ROCK1: variants seen among roughly 807,000 people sequenced by gnomAD.
The protein encoded by ROCK1 is Rho associated coiled-coil containing protein kinase 1, also known as rho-associated protein kinase 1.
In ROCK1, 36 loss-of-function variants were observed where a neutral mutation model predicts 196.8. That is an observed-to-expected ratio of 0.18 (90% CI 0.14 to 0.24). ROCK1 has a LOEUF of 0.24. Ranked by LOEUF, ROCK1 falls within the 10% of genes least tolerant of loss-of-function variation. The pLI, the probability that ROCK1 is intolerant of heterozygous loss-of-function variation, is 1.00. For missense variants in ROCK1, 920 were observed against 1,562.0 expected (o/e 0.59, Z 6.93); for synonymous variants, 443 against 515.9 (o/e 0.86, Z 1.91).
chr18:21,046,694 TA>T (rs1439796385), intron 4 of ROCK1, among the ~76,000 whole-genome samples: 9 of 152,166 alleles, frequency 5.9e-5, no homozygotes, highest in Non-Finnish European at 1.2e-4. Flanking sequence ...AATAACATTT[TA>T]AGTAAATACA....
intron 1 of ROCK1, among the ~76,000 whole-genome samples, chr18:21,073,719 A>T (rs1272660726): frequency 6.6e-6 from 1 of 152,184 alleles, no homozygotes; most frequent in East Asian, 1.9e-4. Flanking sequence ...CTATGGCAGC[A>T]AAACTGGGGC....
chr18:21,009,050 C>T (rs1413460835), intron 13 of ROCK1, among the ~76,000 whole-genome samples: 3 of 152,098 alleles, frequency 2.0e-5, no homozygotes, highest in African/African-American at 2.4e-5. Flanking sequence ...CACACCCATC[C>T]CCGTCCTCCC....
chr18:21,078,983 A>G (rs778171010), intron 1 of ROCK1, among the ~76,000 whole-genome samples: 9 of 152,090 alleles, frequency 5.9e-5, no homozygotes, highest in Non-Finnish European at 1.3e-4. Flanking sequence ...CTGTCCCTCA[A>G]CTAAATTGGG....
chr18:21,106,225 T>C (rs1009080093), intron 1 of ROCK1, among the ~76,000 whole-genome samples: 8 of 152,210 alleles, frequency 5.3e-5, no homozygotes, highest in African/African-American at 1.9e-4. Context: ...TGCCAATAAA[T>C]ATGCTACAAG....
rs958962866 is a variant in ROCK1, at chr18:20,952,845, C to A, written c.4061+733G>T. On this transcript the variant is annotated intron_variant, in intron 32 of 32. Transcript: ENST00000399799. Reference sequence around the variant, plus strand: ...GAAGGGACATGGATGAAGCTGGAAACCATCATTCTCAGCAAACTAACACAG... The same window carrying A: ...GAAGGGACATGGATGAAGCTGGAAAACATCATTCTCAGCAAACTAACACAG... 1.8e-4 allele frequency among the ~76,000 whole-genome samples: 27 copies of A among 151,720 alleles called. No homozygotes were observed. In the East Asian group the frequency reaches 2.1e-3, roughly 12 times the overall value.
intron 31 of ROCK1, 87 bp downstream of exon 31, chr18:20,954,696 G>C: frequency 1.5e-6 from 2 of 1,291,604 alleles, no homozygotes; most frequent in Non-Finnish European, 2.1e-6. Flanking sequence ...TTTTCAACTT[G>C]GTATAGAAAT....
rs542958895 is a variant in ROCK1 at position 21,060,683 on chromosome 18, T to G, written c.175+9849A>C. On this transcript the variant is annotated intron_variant, in intron 2 of 32. Transcript: ENST00000399799. ...GGAGAAACCCTGTCTCTACTAAAAATACAAAATTAGCCGGGCATTGTGGCG... is the reference window on the plus strand; with the variant it reads ...GGAGAAACCCTGTCTCTACTAAAAAGACAAAATTAGCCGGGCATTGTGGCG... 3.3e-5 allele frequency among the ~76,000 whole-genome samples: 5 copies of G among 152,004 alleles called. No homozygotes were observed. The South Asian group carries it at 1.0e-3, about 32-fold the overall frequency.
At chr18:21,032,282 T>C (rs1428824402) in intron 9 of ROCK1, among the ~76,000 whole-genome samples, 1 of 152,140 alleles carries the variant, frequency 6.6e-6, no homozygotes, top group Non-Finnish European at 1.5e-5. Flanking sequence ...TTTAAGCTAC[T>C]CAAAGTAAAC....
intron 1 of ROCK1, among the ~76,000 whole-genome samples, chr18:21,087,035 G>A (rs1282709515): frequency 1.3e-5 from 2 of 152,164 alleles, no homozygotes. Context: ...AATATATTAC[G>A]AACAAGGGTA....
At chr18:21,082,072 C>T (rs910000723) in intron 1 of ROCK1, among the ~76,000 whole-genome samples, 3 of 152,124 alleles carry the variant, frequency 2.0e-5, no homozygotes, top group Non-Finnish European at 2.9e-5. Context: ...CCAGCCTCAG[C>T]CTCCTGAGTA....
At chr18:21,043,574 A>G (rs1598540962) in intron 6 of ROCK1, among the ~76,000 whole-genome samples, 1 of 118,500 alleles carries the variant, frequency 8.4e-6, no homozygotes, top group Admixed American at 7.5e-5. Context: ...CATATACATA[A>G]TGTATATGTA....
chr18:21,052,483 G>A (rs2036211759), intron 2 of ROCK1, among the ~76,000 whole-genome samples: 1 of 152,120 alleles, frequency 6.6e-6, no homozygotes, highest in Non-Finnish European at 1.5e-5. Context: ...TAGGCTTATG[G>A]CTCCATTGAG....
chr18:21,039,456 A>G lies in ROCK1; in HGVS notation c.1051+16T>C. On this transcript the variant is annotated intron_variant, in intron 9 of 32. Coordinates refer to ENST00000399799, the MANE Select transcript of ROCK1 (RefSeq NM_005406.3). The stretch of plus-strand genomic sequence containing the variant: ...TCAAATATTCACTAAAATATGAAAG[A>G]AAAAAAAAAACTTACTGTCTCGGAG... 7.4e-7 allele frequency: 1 copy of G among 1,358,872 alleles called. No individual in the cohort carries two copies. Among genetic ancestry groups the G allele is most frequent in the South Asian group, 1.3e-5 (1 of 77,276 alleles). The allele number at this position is 1,358,872 out of a possible 1,614,324, so 84.2% of individuals were successfully genotyped here. A position where few individuals can be genotyped will look rare whatever the true frequency, so the allele number is the denominator to read the frequency against.
Position 20,947,262 on chromosome 18 carries a change from A to G in ROCK1, c.*4122T>C, listed in dbSNP as rs1338765759. ...GTTACATATACTTTGGAGATAATCC[A>G]TTAGAAAACACAGCTAACTGTTAAT... On this transcript the variant is annotated 3_prime_UTR_variant, in exon 33 of 33. Transcript: ENST00000399799. The G allele has an allele frequency of 1.3e-5, 2 of 151,994 alleles. No individual in the cohort carries two copies. The highest frequency in any genetic ancestry group is 2.9e-5 in the Non-Finnish European group (2 of 67,976). The allele number at this position is 151,994 out of a possible 1,614,324, so 9.4% of individuals were successfully genotyped here. A position where few individuals can be genotyped will look rare whatever the true frequency, so the allele number is the denominator to read the frequency against.
chr18:20,986,822 C>A, intron 19 of ROCK1, 128 bp downstream of exon 19: 1 of 830,692 alleles, frequency 1.2e-6, no homozygotes, highest in South Asian at 1.9e-5. Flanking sequence ...CAGCAGTGAA[C>A]ACAGACCCAT....
chr18:21,107,672 T>C (rs2036714321), intron 1 of ROCK1, among the ~76,000 whole-genome samples: 1 of 152,192 alleles, frequency 6.6e-6, no homozygotes, highest in African/African-American at 2.4e-5. Context: ...AACGAACGAA[T>C]GCTCAATGTT....
At chr18:21,051,437 G>C (rs1421930497) in intron 2 of ROCK1, among the ~76,000 whole-genome samples, 2 of 152,124 alleles carry the variant, frequency 1.3e-5, no homozygotes, top group Admixed American at 6.5e-5. Flanking sequence ...CTGGGCGACA[G>C]AGCGAAACTC....
chr18:21,049,286 T>C (rs867978769), intron 3 of ROCK1, 57 bp from the exon 4 acceptor site: 2 of 1,331,448 alleles, frequency 1.5e-6, no homozygotes, highest in African/African-American at 1.5e-5. Flanking sequence ...AAGCTCAAGG[T>C]TTCACAGAAC....
intron 2 of ROCK1, among the ~76,000 whole-genome samples, chr18:21,063,111 T>C (rs942877899): frequency 2.0e-5 from 3 of 152,132 alleles, no homozygotes; most frequent in African/African-American, 7.2e-5. Flanking sequence ...AGAGCATACA[T>C]GCACAAGAGC....
Sources: allele counts gnomAD v4.1 joint callset (sites outside exome capture counted in the v4.1 genomes callset), GRCh38; gene constraint gnomAD v4.1.1; transcripts MANE v1.5; gene names NCBI Gene and HGNC (gene_info 2026-07-23, HGNC 2026-07-21).